Variants in SH3TC1 observed in about 807,000 individuals in gnomAD.
SH3TC1 encodes the protein SH3 domain and tetratricopeptide repeat-containing protein 1.
In SH3TC1, 135 loss-of-function variants were observed where a neutral mutation model predicts 117.3. The ratio of observed to expected loss-of-function variants is 1.15; its 90% confidence interval spans 1.00 to 1.33. The LOEUF is 1.33. SH3TC1 is among the 40% of genes most tolerant of loss of function. The pLI is 0.00. For synonymous variants in SH3TC1, 898 were observed against 816.9 expected (o/e 1.10, Z -1.69); for missense variants, 2,092 against 1,794.3 (o/e 1.17, Z -3.00).
chr4:8,215,665 G>C (rs79069547), intron 5 of SH3TC1, among the ~76,000 whole-genome samples: 73 of 152,278 alleles, frequency 4.8e-4, no homozygotes, highest in Middle Eastern at 3.4e-3. Context: ...CAGACGAGAG[G>C]GGGGAGCTCG....
intron 1 of SH3TC1, among the ~76,000 whole-genome samples, chr4:8,187,461 G>A (rs529498677): frequency 6.6e-6 from 1 of 152,164 alleles, no homozygotes; most frequent in Non-Finnish European, 1.5e-5. Flanking sequence ...TTGCCCGGGG[G>A]GGTCTGTCTG....
chr4:8,228,374 C>T lies in SH3TC1; in HGVS notation c.2680C>T (p.Arg894Trp), dbSNP rs573127370. 44 of 1,611,226 alleles carry T rather than the reference C, an allele frequency of 2.7e-5. No homozygotes were observed. Among genetic ancestry groups the T allele is most frequent in the East Asian group, 8.9e-5 (4 of 44,858 alleles). Reference protein sequence around the residue: ...ESYYRALRVARDLGQQRNQAV... With the variant: ...ESYYRALRVAWDLGQQRNQAV... ...CTACTACCGCGCCCTGCGGGTGGCT[C>T]GGGACCTGGGCCAGCAAAGGAACCA... Residue 894 changes from arginine (R) to tryptophan (W), a missense_variant, in exon 12 of 18, where the codon CGG (arginine) becomes TGG (tryptophan). Transcript: ENST00000245105.
Position 8,228,099 on chromosome 4 carries a change from A to G in SH3TC1, c.2405A>G (p.His802Arg). The G allele has an allele frequency of 6.2e-7, 1 of 1,609,678 alleles. No individual in the cohort carries two copies. ...CAGCTGTACAGCCACCATGGCTGCCACGGCCCGGCCATCACCTTCATGACG... is the reference window on the plus strand; with the variant it reads ...CAGCTGTACAGCCACCATGGCTGCCGCGGCCCGGCCATCACCTTCATGACG... ...LAQLYSHHGC[H>R]GPAITFMTQA... The change falls in exon 12 of 18, where the codon CAC (histidine) becomes CGC (arginine). Residue 802 changes from histidine to arginine, a missense_variant. By Grantham distance (29) the His-to-Arg change is conservative. Coordinates refer to ENST00000245105, the MANE Select transcript of SH3TC1 (RefSeq NM_018986.5).
chr4:8,228,537 T>A lies in SH3TC1; in HGVS notation c.2843T>A (p.Val948Glu). The A allele has an allele frequency of 1.2e-6, 2 of 1,610,840 alleles. No homozygotes were observed. Among genetic ancestry groups the A allele is most frequent in the Non-Finnish European group, 1.7e-6 (2 of 1,179,324 alleles). ...GAGTGTGGCCGGGACTTCACCCACG[T>A]GCTCCTGCAGCTGGGCCATCTCTGC... Reference protein sequence around the residue: ...LGECGRDFTHVLLQLGHLCTR... With the variant: ...LGECGRDFTHELLQLGHLCTR... Residue 948 changes from valine to glutamate, a missense_variant, in exon 12 of 18, where the codon GTG becomes GAG. Coordinates refer to ENST00000245105, the MANE Select transcript of SH3TC1 (RefSeq NM_018986.5).
chr4:8,182,382 C>A (rs951518427), intron 1 of SH3TC1, among the ~76,000 whole-genome samples: 3 of 152,160 alleles, frequency 2.0e-5, no homozygotes, highest in Non-Finnish European at 2.9e-5. Context: ...AGCAGCAGGG[C>A]GGGTGCTGCC....
rs756479726 is a variant in SH3TC1 at position 8,228,105 on chromosome 4, C to G, written c.2411C>G (p.Pro804Arg). Residue 804 changes from proline to arginine, a missense_variant, in exon 12 of 18, where the codon CCG (proline) becomes CGG (arginine). Transcript: ENST00000245105. The stretch of plus-strand genomic sequence containing the variant: ...TACAGCCACCATGGCTGCCACGGCC[C>G]GGCCATCACCTTCATGACGCAGGCA... ...QLYSHHGCHGPAITFMTQAVE... is the reference protein window; with the variant it reads ...QLYSHHGCHGRAITFMTQAVE... 1.2e-6 allele frequency: 2 copies of G among 1,610,750 alleles called. No individual in the cohort carries two copies. The highest frequency in any genetic ancestry group is 2.2e-5 in the South Asian group (2 of 90,860).
In SH3TC1 at chr4:8,235,467, C is replaced by G. The variant is rs1415657049; in HGVS notation, c.3317C>G (p.Pro1106Arg). The change falls in exon 15 of 18, where the codon CCC becomes CGC. Residue 1106 changes from proline (P) to arginine (R), a missense_variant. Physicochemically the swap from Pro to Arg is moderately radical, Grantham distance 103. Transcript: ENST00000245105. ...AQNVALYTGD[P>R]NLGLELFEAA... ...AACGTGGCCCTGTACACAGGCGACC[C>G]CAACCTGGGGCTGGAGCTGTTTGAG... The G allele has an allele frequency of 6.3e-6, 10 of 1,598,510 alleles. No individual in the cohort carries two copies. Among genetic ancestry groups the G allele is most frequent in the Non-Finnish European group, 8.5e-6 (10 of 1,171,208 alleles).
At chr4:8,211,549 T>C (rs1331764332) in intron 3 of SH3TC1, among the ~76,000 whole-genome samples, 5 of 125,532 alleles carry the variant, frequency 4.0e-5, no homozygotes, top group African/African-American at 5.9e-5. Flanking sequence ...TCTTCCCCTC[T>C]CCCCACCTTC....
Position 8,205,413 on chromosome 4 carries a change from C to A in SH3TC1, c.172+47C>A, listed in dbSNP as rs1578655052. ...CACCCGCCCTCCATCCCACCCACTT[C>A]TCCACCCCACCCGCCCCGTCCATCC... On this transcript the variant is annotated intron_variant, in intron 2 of 17. Transcript: ENST00000245105. The surrounding 1 kb of genome is among the most constrained non-coding windows in gnomAD (Gnocchi z 5.4). 1.4e-6 allele frequency: 2 copies of A among 1,384,058 alleles called. No individual in the cohort carries two copies. Among genetic ancestry groups the A allele is most frequent in the Non-Finnish European group, 1.9e-6 (2 of 1,050,796 alleles). The allele number at this position is 1,384,058 out of a possible 1,614,324, so 85.7% of individuals were successfully genotyped here.
At chr4:8,234,596 C>T (rs1721640784) in intron 14 of SH3TC1, among the ~76,000 whole-genome samples, 1 of 143,584 alleles carries the variant, frequency 7.0e-6, no homozygotes, top group Non-Finnish European at 1.6e-5. Context: ...TCCATCCATC[C>T]ATCCATCCAT....
intron 13 of SH3TC1, chr4:8,232,438 T>G: frequency 6.6e-7 from 1 of 1,524,866 alleles, no homozygotes; most frequent in Non-Finnish European, 8.8e-7. Flanking sequence ...AGCAGTTACA[T>G]GCATTCTGGG....
chr4:8,223,888 G>C (rs59845806), intron 10 of SH3TC1, among the ~76,000 whole-genome samples: 1 of 152,270 alleles, frequency 6.6e-6, no homozygotes, highest in Non-Finnish European at 1.5e-5. Context: ...GCCAGCCTCA[G>C]CCTCCCAAAG....
chr4:8,194,404 G>A (rs1717501058), upstream of SH3TC1, among the ~76,000 whole-genome samples: 1 of 146,804 alleles, frequency 6.8e-6, no homozygotes, highest in South Asian at 2.1e-4. Flanking sequence ...TTCTAGTGCT[G>A]GCTAGAAATC....
chr4:8,217,045 G>A lies in SH3TC1; in HGVS notation c.717G>A (p.Gln239=), dbSNP rs1719356083. The change falls in exon 7 of 18, where the codon CAG becomes CAA. Residue 239 remains glutamine (Q), a synonymous_variant. Coordinates refer to ENST00000245105, the MANE Select transcript of SH3TC1 (RefSeq NM_018986.5). ...DAGNGPQALR[Q]ASGAPQGEAA... is the part of the protein sequence containing the mutation. ...GAAATGGCCCCCAGGCCCTCAGGCAGGCTTCGGGGGCACCCCAGGGAGAGG... is the reference window on the plus strand; with the variant it reads ...GAAATGGCCCCCAGGCCCTCAGGCAAGCTTCGGGGGCACCCCAGGGAGAGG... The A allele has an allele frequency of 6.2e-7, 1 of 1,613,206 alleles. No homozygotes were observed. The highest frequency in any genetic ancestry group is 8.5e-7 in the Non-Finnish European group (1 of 1,179,682).
In SH3TC1 at chr4:8,216,210, A is replaced by G. The variant is rs1335761628; in HGVS notation, c.581A>G (p.Asp194Gly). 1 of 1,613,682 alleles carries G rather than the reference A, an allele frequency of 6.2e-7. No homozygotes were observed. The highest frequency in any genetic ancestry group is 2.2e-5 in the East Asian group (1 of 44,896). The change falls in exon 6 of 18, where the codon GAT (aspartate) becomes GGT (glycine). Residue 194 changes from aspartate to glycine, a missense_variant. Physicochemically the swap from Asp to Gly is moderately conservative, Grantham distance 94 (BLOSUM62 -1). Transcript: ENST00000245105. ...EEETAIQVHV[D>G]ENALRLTHES... ...GAGACGGCCATCCAAGTCCATGTGG[A>G]TGAGAACGCCTTAAGGCTGACCCAC...
intron 9 of SH3TC1, among the ~76,000 whole-genome samples, chr4:8,222,470 T>G (rs1270282542): frequency 6.9e-6 from 1 of 143,998 alleles, no homozygotes; most frequent in Non-Finnish European, 1.5e-5. Flanking sequence ...TCCTCCTCTG[T>G]TCAAGTGATT....
chr4:8,201,999 C>A (rs757023300), intron 1 of SH3TC1, among the ~76,000 whole-genome samples: 1 of 152,182 alleles, frequency 6.6e-6, no homozygotes, highest in Admixed American at 6.5e-5. Flanking sequence ...GTCAGGCGTT[C>A]GGAGCGAAAG....
rs1283943720 is a variant in SH3TC1 at position 8,183,701 on chromosome 4, A to G, written c.-57+1491A>G. ...CGTAAAACCCCACCCAGCGGCCTCTATGATTAGCATCTCACCTTGGTATGG... is the reference window on the plus strand; with the variant it reads ...CGTAAAACCCCACCCAGCGGCCTCTGTGATTAGCATCTCACCTTGGTATGG... On this transcript the variant is annotated intron_variant, in intron 1 of 16. Transcript: ENST00000508641. This position sits in a 1 kb window ranked among gnomAD's most constrained non-coding sequence, Gnocchi z 5.4. Among the ~76,000 whole-genome samples the G allele has an allele frequency of 6.6e-6, 1 of 152,176 alleles. No individual in the cohort carries two copies. Among genetic ancestry groups the G allele is most frequent in the African/African-American group, 2.4e-5 (1 of 41,444 alleles).
At chr4:8,200,741 G>A (rs1717778278) in intron 1 of SH3TC1, among the ~76,000 whole-genome samples, 1 of 152,218 alleles carries the variant, frequency 6.6e-6, no homozygotes, top group Non-Finnish European at 1.5e-5. Flanking sequence ...CGAACTCAAG[G>A]CGTCCCTCAG....
Sources: allele counts gnomAD v4.1 joint callset (sites outside exome capture counted in the v4.1 genomes callset), GRCh38; gene constraint gnomAD v4.1.1; non-coding constraint Gnocchi (gnomAD v3.1); transcripts MANE v1.5; gene names NCBI Gene and HGNC (gene_info 2026-07-23, HGNC 2026-07-21).